Variants in SLC9A7 observed in about 807,000 individuals in gnomAD.
The protein encoded by SLC9A7 is solute carrier family 9 member A7.
Under a neutral mutation model 52.6 loss-of-function variants are expected in SLC9A7, and 19 were observed. That is an observed-to-expected ratio of 0.36 (90% CI 0.25 to 0.53). The LOEUF (loss-of-function observed/expected upper bound fraction) is 0.53, where lower values mean the gene tolerates loss of function less well. Among genes scored for constraint, SLC9A7 ranks in the 20% least tolerant of loss-of-function variants. The pLI is 0.91. For synonymous variants in SLC9A7, 226 were observed against 252.1 expected, an observed-to-expected ratio of 0.90 and a Z score of 0.98; for missense variants, 455 against 597.9, an observed-to-expected ratio of 0.76 and a Z score of 2.49.
Position 46,601,496 on chromosome X carries a change from G to C in SLC9A7, c.*5456C>G, listed in dbSNP as rs775916593. 8.9e-5 allele frequency: 10 copies of C among 112,521 alleles called. No homozygotes were observed. Among genetic ancestry groups the C allele is most frequent in the Non-Finnish European group, 1.9e-4 (10 of 53,311 alleles). The allele number at this position is 112,521 out of a possible 1,213,427, so 9.3% of individuals were successfully genotyped here. A position where few individuals can be genotyped will look rare whatever the true frequency, so the allele number is the denominator to read the frequency against. On this transcript the variant is annotated 3_prime_UTR_variant, in exon 17 of 17. Coordinates refer to ENST00000616978, the MANE Select transcript of SLC9A7 (RefSeq NM_001257291.2). The stretch of plus-strand genomic sequence containing the variant: ...TCATGGATAGCTGAGATACCCTTTT[G>C]CATGTTTTCTAAAGAGATTCCATTT...
rs772047963 is a variant in SLC9A7 at position 46,651,136 on chromosome X, T to G, written c.1324A>C (p.Ser442Arg). The change falls in exon 10 of 17, where the codon AGC (serine) becomes CGC (arginine). Residue 442 changes from serine (S) to arginine (R), a missense_variant. Coordinates refer to ENST00000616978, the MANE Select transcript of SLC9A7 (RefSeq NM_001257291.2). ...AAAGCTCCGATGATGAAAATGGGGC[T>G]GAAAACGTGCTTCTGGAAGGTAAAC... ...ALFTFQKHVFSPIFIIGAFVA... is the reference protein window; with the variant it reads ...ALFTFQKHVFRPIFIIGAFVA... 14 of 1,206,498 alleles carry G rather than the reference T, an allele frequency of 1.2e-5. No individual in the cohort carries two copies. The Admixed American group carries it at 2.6e-4, about 23-fold the overall frequency.
At chrX:46,622,344 C>T (rs73493029) in intron 14 of SLC9A7, among the ~76,000 whole-genome samples, 1 of 111,808 alleles carries the variant, frequency 8.9e-6, no homozygotes, top group African/African-American at 3.2e-5. Context: ...CCAATGACAA[C>T]TCTGGGAAGA....
intron 1 of SLC9A7, among the ~76,000 whole-genome samples, chrX:46,745,877 CAAAT>C (rs775064054): frequency 9.5e-6 from 1 of 105,187 alleles, no homozygotes; most frequent in East Asian, 2.9e-4. Context: ...AAACCACAGA[CAAAT>C]AAATAAAGGA....
chrX:46,626,037 T>C (rs1251730139), intron 14 of SLC9A7, among the ~76,000 whole-genome samples: 2 of 111,929 alleles, frequency 1.8e-5, no homozygotes, highest in African/African-American at 3.3e-5. Flanking sequence ...CTGGGCATGG[T>C]GGCCCATGCC....
chrX:46,710,051 T>C (rs1373402091), intron 1 of SLC9A7, among the ~76,000 whole-genome samples: 2 of 112,408 alleles, frequency 1.8e-5, no homozygotes, highest in Non-Finnish European at 3.8e-5. Flanking sequence ...CCTTCTAACT[T>C]TTGAATTTTG....
intron 1 of SLC9A7, among the ~76,000 whole-genome samples, chrX:46,751,042 C>T (rs1556287432): frequency 8.9e-6 from 1 of 112,443 alleles, no homozygotes; most frequent in African/African-American, 3.2e-5. Flanking sequence ...TCCCTGGCTC[C>T]CTTCCAGTTA....
intron 11 of SLC9A7, 130 bp from the exon 12 acceptor site, chrX:46,643,519 G>T: frequency 1.6e-6 from 1 of 625,822 alleles, no homozygotes; most frequent in Non-Finnish European, 2.4e-6. Context: ...GTTTTACTCA[G>T]AAAGAAGAAC....
At position 46,653,892 on chromosome X, in the gene SLC9A7, G is replaced by GTTT. The variant is rs771481856; in HGVS notation, c.1042-179_1042-178insAAA. On this transcript the variant is annotated intron_variant, in intron 7 of 16. Coordinates refer to ENST00000616978, the MANE Select transcript of SLC9A7 (RefSeq NM_001257291.2). ...TAAGTAATACAAATTAAGCTTTCCA[G>GTTT]TGGAACACAAGTTTTGTAGGGGCTG... 5.8e-3 allele frequency among the ~76,000 whole-genome samples: 639 copies of GTTT among 109,402 alleles called. 2 individuals carry two copies. The highest frequency in any genetic ancestry group is 9.4e-3 in the Non-Finnish European group (495 of 52,611).
chrX:46,599,398 C>CTA lies in SLC9A7; in HGVS notation c.*7552_*7553dup, dbSNP rs1942624778. 1 of 112,247 alleles carries CTA rather than the reference C, an allele frequency of 8.9e-6. No individual in the cohort carries two copies. Among genetic ancestry groups the CTA allele is most frequent in the Admixed American group, 9.5e-5 (1 of 10,549 alleles). 9.3% of individuals were successfully genotyped at this position (112,247 alleles called of 1,213,427 possible). A position where few individuals can be genotyped will look rare whatever the true frequency, so the allele number is the denominator to read the frequency against. On this transcript the variant is annotated 3_prime_UTR_variant, in exon 17 of 17. Coordinates refer to ENST00000616978, the MANE Select transcript of SLC9A7 (RefSeq NM_001257291.2). The stretch of plus-strand genomic sequence containing the variant: ...AGAACCTCTCAGTGAGGGAAACAGA[C>CTA]TAAGAATAGTATCACACTACAGCCT...
intron 1 of SLC9A7, among the ~76,000 whole-genome samples, chrX:46,696,353 G>A (rs750705066): frequency 4.5e-5 from 5 of 110,825 alleles, no homozygotes; most frequent in Admixed American, 9.7e-5. Context: ...AAGCACAGAC[G>A]TCCTTAAATG....
At chrX:46,751,054 A>ATG (rs782018311) in intron 1 of SLC9A7, among the ~76,000 whole-genome samples, 2 of 112,368 alleles carry the variant, frequency 1.8e-5, no homozygotes, top group South Asian at 7.3e-4. Flanking sequence ...TTCCAGTTAG[A>ATG]TGTGGCCTTG....
At chrX:46,672,900 A>AGT (rs1257700573) in intron 3 of SLC9A7, among the ~76,000 whole-genome samples, 3 of 112,281 alleles carry the variant, frequency 2.7e-5, no homozygotes, top group Admixed American at 9.5e-5. Context: ...AATCACATTA[A>AGT]GTGTGTGTAT....
chrX:46,683,692 A>T (rs1230987218), intron 1 of SLC9A7, among the ~76,000 whole-genome samples: 3 of 112,333 alleles, frequency 2.7e-5, no homozygotes, highest in Non-Finnish European at 5.6e-5. Flanking sequence ...AGTGAGTGAA[A>T]GATTAAAAAA....
At chrX:46,731,051 C>T (rs1463272903) in intron 1 of SLC9A7, among the ~76,000 whole-genome samples, 6 of 109,604 alleles carry the variant, frequency 5.5e-5, no homozygotes, top group Non-Finnish European at 1.1e-4. Context: ...TGAGAAGCCA[C>T]TAGCCCTACC....
chrX:46,620,069 G>A (rs192235207), intron 15 of SLC9A7, among the ~76,000 whole-genome samples: 94 of 111,563 alleles, frequency 8.4e-4, no homozygotes, highest in African/African-American at 2.6e-3. Context: ...CAGTTTTGGC[G>A]TCTCCAAAGA....
At chrX:46,756,159 T>C (rs1014827722) in intron 1 of SLC9A7, among the ~76,000 whole-genome samples, 7 of 111,479 alleles carry the variant, frequency 6.3e-5, no homozygotes, top group African/African-American at 2.3e-4. Flanking sequence ...TTCATAAACA[T>C]TTAAAAGTTA....
At chrX:46,721,902 A>AT (rs1944867282) in intron 1 of SLC9A7, among the ~76,000 whole-genome samples, 1 of 112,308 alleles carries the variant, frequency 8.9e-6, no homozygotes, top group African/African-American at 3.2e-5. Context: ...AGCAAGATGC[A>AT]TTTTTTTCCA....
intron 1 of SLC9A7, among the ~76,000 whole-genome samples, chrX:46,700,079 T>C (rs1944507416): frequency 9.2e-6 from 1 of 108,530 alleles, no homozygotes; most frequent in Admixed American, 9.9e-5. Context: ...CACTCCAGCC[T>C]GAGTGACAGC....
intron 1 of SLC9A7, among the ~76,000 whole-genome samples, chrX:46,742,547 A>C (rs1438680537): frequency 1.8e-5 from 2 of 111,921 alleles, no homozygotes; most frequent in East Asian, 5.6e-4. Context: ...TATATGACAT[A>C]TTTGAAAAGA....
Sources: allele counts gnomAD v4.1 joint callset (sites outside exome capture counted in the v4.1 genomes callset), GRCh38; gene constraint gnomAD v4.1.1; transcripts MANE v1.5; gene names NCBI Gene and HGNC (gene_info 2026-07-23, HGNC 2026-07-21).